The following PRKN variants were observed in gnomAD, a reference collection of about 807,000 sequenced individuals.
PRKN encodes parkin RBR E3 ubiquitin protein ligase.
PRKN carries 56 observed loss-of-function variants against 59.5 expected under a neutral mutation model. The observed-to-expected ratio is 0.94, with a 90% CI of 0.76 to 1.18. PRKN has a LOEUF of 1.18. Among genes scored for constraint, PRKN ranks in the 50% most tolerant of loss-of-function variants. The pLI is 0.00. For synonymous variants in PRKN, 250 were observed against 222.1 expected (o/e 1.13, Z -1.12); for missense variants, 657 against 596.4 (o/e 1.10, Z -1.06).
At chr6:162,538,803 C>T (rs1047760878) in intron 1 of PRKN, among the ~76,000 whole-genome samples, 1 of 152,200 alleles carries the variant, frequency 6.6e-6, no homozygotes, top group East Asian at 1.9e-4. Flanking sequence ...TGTTTTCAGC[C>T]ACTTTCCTCT....
chr6:161,723,469 C>T (rs1787311801), intron 7 of PRKN, among the ~76,000 whole-genome samples: 1 of 152,130 alleles, frequency 6.6e-6, no homozygotes, highest in Non-Finnish European at 1.5e-5. Flanking sequence ...GGGAAACCTA[C>T]AGTTTCTGCT....
intron 6 of PRKN, among the ~76,000 whole-genome samples, chr6:161,829,630 C>T (rs940167331): frequency 6.6e-5 from 10 of 152,096 alleles, no homozygotes; most frequent in African/African-American, 1.9e-4. Context: ...TCTCAGGATG[C>T]AGCCTCTGGG....
At chr6:162,497,476 C>A (rs1793119461) in intron 1 of PRKN, among the ~76,000 whole-genome samples, 1 of 152,184 alleles carries the variant, frequency 6.6e-6, no homozygotes, top group African/African-American at 2.4e-5. Flanking sequence ...TGCATATGAG[C>A]AAATTGGCTC....
chr6:161,568,371 A>C (rs1780731529), intron 8 of PRKN, among the ~76,000 whole-genome samples: 1 of 152,214 alleles, frequency 6.6e-6, no homozygotes. Context: ...AGGCAGGCGG[A>C]TCATGACGTC....
chr6:162,652,940 C>A (rs577492030), intron 1 of PRKN, among the ~76,000 whole-genome samples: 140 of 152,218 alleles, frequency 9.2e-4, no homozygotes, highest in African/African-American at 3.2e-3. Context: ...ATAAAACAGG[C>A]CTTTCAGAGA....
At chr6:162,087,727 G>A (rs1260821558) in intron 4 of PRKN, among the ~76,000 whole-genome samples, 1 of 150,938 alleles carries the variant, frequency 6.6e-6, no homozygotes, top group African/African-American at 2.4e-5. Flanking sequence ...CTGAGTAGCT[G>A]GGATTACAGG....
At chr6:162,384,502 C>T (rs1436116941) in intron 2 of PRKN, among the ~76,000 whole-genome samples, 1 of 152,064 alleles carries the variant, frequency 6.6e-6, no homozygotes. Context: ...TCACCGCTCA[C>T]AGATCACCAA....
At chr6:162,092,145 A>G (rs4533966) in intron 4 of PRKN, among the ~76,000 whole-genome samples, 104,946 of 152,026 alleles carry the variant, frequency 0.69, 36,387 homozygotes, top group East Asian at 0.87. Context: ...ACCTGAGGTC[A>G]GGAGTTTGAG....
intron 4 of PRKN, among the ~76,000 whole-genome samples, chr6:162,094,133 G>A (rs1031695648): frequency 6.6e-6 from 1 of 152,172 alleles, no homozygotes; most frequent in Admixed American, 6.5e-5. Flanking sequence ...AGAGCAAGGG[G>A]TGGAAATCAA....
intron 3 of PRKN, among the ~76,000 whole-genome samples, chr6:162,219,930 C>A (rs1342671210): frequency 1.3e-5 from 2 of 152,098 alleles, no homozygotes; most frequent in African/African-American, 4.8e-5. Flanking sequence ...TCCAACAGTG[C>A]TCAACACCTT....
At chr6:162,301,677 C>A (rs549256441) in intron 2 of PRKN, among the ~76,000 whole-genome samples, 13 of 150,956 alleles carry the variant, frequency 8.6e-5, no homozygotes, top group East Asian at 2.0e-4. Flanking sequence ...TACATTAGGG[C>A]CCAATACTTA....
chr6:162,343,291 C>T (rs1434665078), intron 2 of PRKN, among the ~76,000 whole-genome samples: 1 of 152,024 alleles, frequency 6.6e-6, no homozygotes. Flanking sequence ...AATGATAATA[C>T]CTTTATATTA....
chr6:162,478,034 A>G (rs1447959540), intron 1 of PRKN, among the ~76,000 whole-genome samples: 1 of 152,080 alleles, frequency 6.6e-6, no homozygotes, highest in Non-Finnish European at 1.5e-5. Context: ...TAGAGCGCAG[A>G]GTCCTAGAGC....
intron 7 of PRKN, among the ~76,000 whole-genome samples, chr6:161,742,755 T>C (rs73783382): frequency 0.076 from 11,529 of 152,210 alleles, 796 homozygotes; most frequent in African/African-American, 0.19. Context: ...AGTTAGCTCA[T>C]TGGATTCTCA....
At chr6:162,038,552 C>A (rs941996005) in intron 5 of PRKN, among the ~76,000 whole-genome samples, 3 of 152,158 alleles carry the variant, frequency 2.0e-5, no homozygotes, top group Non-Finnish European at 4.4e-5. Context: ...GGGCCACCAG[C>A]CTGTAAGTAT....
intron 1 of PRKN, among the ~76,000 whole-genome samples, chr6:162,688,587 G>C (rs1338711207): frequency 2.6e-5 from 4 of 152,060 alleles, no homozygotes; most frequent in South Asian, 2.1e-4. Context: ...TGAGTACCAA[G>C]AGTGCACACA....
chr6:162,397,770 C>T (rs1787547790), intron 2 of PRKN, among the ~76,000 whole-genome samples: 1 of 152,160 alleles, frequency 6.6e-6, no homozygotes, highest in African/African-American at 2.4e-5. Context: ...GTCACAGTGG[C>T]TCATGCCTGT....
chr6:161,427,330 T>C (rs1019770231), intron 9 of PRKN, among the ~76,000 whole-genome samples: 1 of 152,198 alleles, frequency 6.6e-6, no homozygotes, highest in African/African-American at 2.4e-5. Context: ...GCGAATCATC[T>C]TTTTTAATTC....
At chr6:162,573,542 AAATT>A (rs1372640575) in intron 1 of PRKN, among the ~76,000 whole-genome samples, 2 of 152,164 alleles carry the variant, frequency 1.3e-5, no homozygotes, top group Non-Finnish European at 2.9e-5. Flanking sequence ...TTTTGTTATA[AAATT>A]ATTTACTCAT....
Sources: gnomAD v4.1 joint callset for allele counts (sites outside exome capture counted in the v4.1 genomes callset) on GRCh38, gnomAD v4.1.1 for gene constraint, MANE v1.5 for transcripts, NCBI Gene and HGNC (gene_info 2026-07-23, HGNC 2026-07-21) for gene names.